Variants in PRKCB observed in about 807,000 individuals in gnomAD.
PRKCB encodes the protein protein kinase C beta type.
Under a neutral mutation model 81.5 loss-of-function variants are expected in PRKCB, and 13 were observed. The observed-to-expected ratio is 0.16, with a 90% confidence interval of 0.10 to 0.25. The LOEUF is 0.25. Among genes scored for constraint, PRKCB ranks in the 10% least tolerant of loss-of-function variants. The probability of loss-of-function intolerance (pLI) is 1.00; values close to 1 mark genes in which losing one functional copy is unlikely to be tolerated. For missense variants in PRKCB, 509 were observed against 875.7 expected (o/e 0.58, Z 5.29); for synonymous variants, 335 against 321.4 (o/e 1.04, Z -0.45).
At chr16:23,885,331 C>T (rs1263124497) in intron 2 of PRKCB, among the ~76,000 whole-genome samples, 7 of 152,064 alleles carry the variant, frequency 4.6e-5, no homozygotes, top group South Asian at 2.1e-4. Flanking sequence ...TTTTTTGAGA[C>T]GGAGTCTTGC....
Position 24,032,159 on chromosome 16 carries a change from T to C in PRKCB, c.312T>C (p.Phe104=), listed in dbSNP as rs1301108195. The change falls in exon 4 of 17, where the codon TTT becomes TTC. Residue 104 remains phenylalanine (F), a synonymous_variant. Transcript: ENST00000643927. ...ASDDPRSKHK[F]KIHTYSSPTF... is the part of the protein sequence containing the mutation. Reference sequence around the variant, plus strand: ...AGGACCCCCGCAGCAAACACAAGTTTAAGATCCACACGTACTCCAGCCCCA... The same window carrying C: ...AGGACCCCCGCAGCAAACACAAGTTCAAGATCCACACGTACTCCAGCCCCA... The C allele has an allele frequency of 6.2e-6, 10 of 1,613,572 alleles. No individual in the cohort carries two copies. Among genetic ancestry groups the C allele is most frequent in the South Asian group, 1.1e-5 (1 of 90,996 alleles).
chr16:24,060,024 G>C (rs529241998), intron 5 of PRKCB, among the ~76,000 whole-genome samples: 22 of 152,308 alleles, frequency 1.4e-4, no homozygotes, highest in Non-Finnish European at 2.6e-4. Flanking sequence ...GAAGAAAGGG[G>C]CCAGGGAAGG....
At chr16:24,064,009 G>T (rs1312519237) in intron 5 of PRKCB, among the ~76,000 whole-genome samples, 2 of 152,130 alleles carry the variant, frequency 1.3e-5, no homozygotes, top group African/African-American at 4.8e-5. Context: ...CGTGTATAGT[G>T]TGATTCCGTT....
At chr16:24,092,390 G>T (rs1451770997) in intron 5 of PRKCB, among the ~76,000 whole-genome samples, 1 of 152,146 alleles carries the variant, frequency 6.6e-6, no homozygotes, top group Non-Finnish European at 1.5e-5. Context: ...AACAAAATGT[G>T]GGATATCTAT....
intron 2 of PRKCB, among the ~76,000 whole-genome samples, chr16:23,927,096 C>A (rs1035628750): frequency 6.6e-6 from 1 of 152,040 alleles, no homozygotes; most frequent in African/African-American, 2.4e-5. Context: ...GGTGCCTGTA[C>A]GGTGAGATAT....
chr16:24,173,477 A>G (rs888173078), intron 11 of PRKCB, among the ~76,000 whole-genome samples: 1 of 152,124 alleles, frequency 6.6e-6, no homozygotes, highest in African/African-American at 2.4e-5. Flanking sequence ...CCACCTGGAC[A>G]GGTTGTGAGC....
At chr16:24,162,031 CT>C (rs60150642) in intron 10 of PRKCB, among the ~76,000 whole-genome samples, 13,784 of 147,620 alleles carry the variant, frequency 0.093, 700 homozygotes, top group East Asian at 0.22. Context: ...ATATGCACCT[CT>C]TTTTTTTTTT....
Position 23,836,149 on chromosome 16 carries a change from C to G in PRKCB, c.-27C>G, listed in dbSNP as rs1301220177. 2 of 1,446,688 alleles carry G rather than the reference C, an allele frequency of 1.4e-6. No homozygotes were observed. Among genetic ancestry groups the G allele is most frequent in the South Asian group, 1.3e-5 (1 of 74,138 alleles). The allele number at this position is 1,446,688 out of a possible 1,614,324, so 89.6% of individuals were successfully genotyped here. On this transcript the variant is annotated 5_prime_UTR_variant, in exon 1 of 17. Transcript: ENST00000643927. ...TCCCGCGGCCCCGGGGCCGGCACCT[C>G]TCGGGCTCCGGCTCCCCGCGCGCAA...
At chr16:24,173,860 A>T (rs571298661) in intron 11 of PRKCB, among the ~76,000 whole-genome samples, 72 of 152,348 alleles carry the variant, frequency 4.7e-4, no homozygotes, top group African/African-American at 1.7e-3. Context: ...ATGGGGAGAT[A>T]CTAGTAGGAC....
At chr16:23,969,776 A>G (rs1256234018) in intron 2 of PRKCB, among the ~76,000 whole-genome samples, 1 of 152,178 alleles carries the variant, frequency 6.6e-6, no homozygotes, top group Non-Finnish European at 1.5e-5. Flanking sequence ...GATGAAGTCC[A>G]TGCCACCAGG....
At chr16:23,938,766 A>G (rs535369260) in intron 2 of PRKCB, among the ~76,000 whole-genome samples, 1 of 152,386 alleles carries the variant, frequency 6.6e-6, no homozygotes, top group African/African-American at 2.4e-5. Flanking sequence ...TTAATAACAA[A>G]GGTTATAAAA....
At chr16:24,131,831 A>G (rs1176556873) in intron 9 of PRKCB, among the ~76,000 whole-genome samples, 1 of 152,166 alleles carries the variant, frequency 6.6e-6, no homozygotes, top group Non-Finnish European at 1.5e-5. Context: ...TTGGTGAAAA[A>G]CTGTCATAAA....
rs1211090636 is a variant in PRKCB, at chr16:24,110,510, CTT to C, written c.822-2442_822-2441del. On this transcript the variant is annotated intron_variant, in intron 7 of 16. Coordinates refer to ENST00000643927, the MANE Select transcript of PRKCB (RefSeq NM_002738.7). ...ACAGGCATAAGCCACCATGCCCAAC[CTT>C]TTTTTTTTTTTTTTTTTTTTGAGAG... Among the ~76,000 whole-genome samples, 705 of 111,110 alleles carry C rather than the reference CTT, an allele frequency of 6.3e-3. 3 individuals are homozygous for C. Among genetic ancestry groups the C allele is most frequent in the Non-Finnish European group, 7.8e-3 (456 of 58,306 alleles). The allele number at this position is 111,110 out of a possible 152,430, so 72.9% of individuals were successfully genotyped here.
At chr16:24,127,558 T>C (rs976265706) in intron 9 of PRKCB, among the ~76,000 whole-genome samples, 3 of 151,728 alleles carry the variant, frequency 2.0e-5, no homozygotes, top group African/African-American at 7.3e-5. Flanking sequence ...TTTGATCACT[T>C]AACAAAACAG....
At chr16:23,836,771 G>GGGGC (rs893788071) in intron 1 of PRKCB, among the ~76,000 whole-genome samples, 4 of 151,292 alleles carry the variant, frequency 2.6e-5, no homozygotes, top group Admixed American at 6.6e-5. Flanking sequence ...TTGTTTCCGG[G>GGGGC]GGGGGCGGCG....
chr16:24,149,907 A>G (rs1967052356), intron 9 of PRKCB, among the ~76,000 whole-genome samples: 1 of 152,260 alleles, frequency 6.6e-6, no homozygotes, highest in African/African-American at 2.4e-5. Context: ...TTTCAAACAG[A>G]AAATGGCTAA....
intron 2 of PRKCB, among the ~76,000 whole-genome samples, chr16:23,962,280 G>C (rs539907294): frequency 7.9e-4 from 120 of 152,060 alleles, no homozygotes; most frequent in African/African-American, 2.8e-3. Flanking sequence ...ACCTGGTTTC[G>C]CTCCCTAACG....
chr16:24,135,470 G>C (rs1170048007), intron 9 of PRKCB, among the ~76,000 whole-genome samples: 1 of 151,626 alleles, frequency 6.6e-6, no homozygotes, highest in South Asian at 2.1e-4. Context: ...CTGCCACCAC[G>C]CCCAAGTAAT....
At chr16:23,976,658 G>A (rs1198691703) in intron 2 of PRKCB, among the ~76,000 whole-genome samples, 3 of 152,212 alleles carry the variant, frequency 2.0e-5, no homozygotes, top group Non-Finnish European at 4.4e-5. Context: ...TCTGGTCTGA[G>A]CAATCTGCTG....
Sources: allele counts gnomAD v4.1 joint callset (sites outside exome capture counted in the v4.1 genomes callset), GRCh38; gene constraint gnomAD v4.1.1; transcripts MANE v1.5; gene names NCBI Gene and HGNC (gene_info 2026-07-23, HGNC 2026-07-21).